KCNQ5: variants seen among roughly 807,000 people sequenced by gnomAD.
KCNQ5 encodes potassium voltage-gated channel subfamily KQT member 5.
In KCNQ5, 30 loss-of-function variants were observed where a neutral mutation model predicts 98.2. The observed-to-expected ratio is 0.31, with a 90% CI of 0.23 to 0.41. The LOEUF (loss-of-function observed/expected upper bound fraction) is 0.41, where lower values mean the gene tolerates loss of function less well. Ranked by LOEUF, KCNQ5 falls within the 10% of genes least tolerant of loss-of-function variation. The pLI is 1.00. For synonymous variants in KCNQ5, 458 were observed against 449.4 expected (o/e 1.02, Z -0.24); for missense variants, 835 against 1,182.5 (o/e 0.71, Z 4.31).
At chr6:73,115,490 T>TA (rs1775452990) in intron 7 of KCNQ5, among the ~76,000 whole-genome samples, 1 of 152,034 alleles carries the variant, frequency 6.6e-6, no homozygotes, top group Non-Finnish European at 1.5e-5. Context: ...ATTATCACAG[T>TA]AAAATATCAG....
intron 1 of KCNQ5, among the ~76,000 whole-genome samples, chr6:72,623,247 C>G (rs534350608): frequency 6.6e-6 from 1 of 152,154 alleles, no homozygotes; most frequent in Non-Finnish European, 1.5e-5. Flanking sequence ...AAGCAACGCT[C>G]CCGCGCTGCA....
At chr6:72,967,386 AT>A (rs779241143) in intron 1 of KCNQ5, among the ~76,000 whole-genome samples, 98 of 152,328 alleles carry the variant, frequency 6.4e-4, no homozygotes, top group African/African-American at 1.3e-3. Context: ...AGACAAAAAA[AT>A]ATCCCTTTAT....
intron 1 of KCNQ5, among the ~76,000 whole-genome samples, chr6:72,827,722 T>G (rs528350187): frequency 1.2e-4 from 18 of 152,188 alleles, no homozygotes; most frequent in African/African-American, 4.3e-4. Flanking sequence ...TGCAGAAGCT[T>G]TTTAGTTTTA....
chr6:72,682,151 A>T (rs1353079413), intron 1 of KCNQ5, among the ~76,000 whole-genome samples: 4 of 152,182 alleles, frequency 2.6e-5, no homozygotes, highest in African/African-American at 9.7e-5. Flanking sequence ...CATTACAGGG[A>T]TTGGACAATT....
chr6:72,988,882 AC>A (rs1465414582), intron 1 of KCNQ5, among the ~76,000 whole-genome samples: 49 of 82,696 alleles, frequency 5.9e-4, no homozygotes, highest in African/African-American at 2.2e-3. Context: ...TTCAATTCCC[AC>A]CTATGAGTGA....
rs1314089678 is a variant in KCNQ5, at chr6:72,986,861, C to CCTTG, written c.399-17046_399-17043dup. 51 of 969,976 alleles carry CCTTG rather than the reference C, an allele frequency of 5.3e-5. No homozygotes were observed. The East Asian group carries it at 6.2e-4, about 12-fold the overall frequency. 60.1% of individuals were successfully genotyped at this position (969,976 alleles called of 1,614,324 possible). A position where few individuals can be genotyped will look rare whatever the true frequency, so the allele number is the denominator to read the frequency against. On this transcript the variant is annotated intron_variant, in intron 1 of 13. Transcript: ENST00000370398. ...CCCCACAGCCCTCTCAGTCCAGAAC[C>CCTTG]CTTGGTTCTGCGAGGCTGGGGATGC...
intron 1 of KCNQ5, among the ~76,000 whole-genome samples, chr6:72,763,883 G>A (rs1356142786): frequency 6.6e-6 from 1 of 151,942 alleles, no homozygotes; most frequent in African/African-American, 2.4e-5. Flanking sequence ...CCATTTTGTT[G>A]TCCTGTATCC....
chr6:73,175,715 A>G (rs1778186862), intron 11 of KCNQ5, among the ~76,000 whole-genome samples: 1 of 152,190 alleles, frequency 6.6e-6, no homozygotes, highest in Admixed American at 6.5e-5. Flanking sequence ...TGCACCAGGC[A>G]CAGAGATAAA....
At chr6:73,115,221 A>G (rs1430223849) in intron 7 of KCNQ5, among the ~76,000 whole-genome samples, 2 of 152,158 alleles carry the variant, frequency 1.3e-5, no homozygotes, top group African/African-American at 4.8e-5. Context: ...AGGTAAGATA[A>G]AGTTGTGAAA....
intron 11 of KCNQ5, among the ~76,000 whole-genome samples, chr6:73,185,519 G>A (rs1381385791): frequency 6.6e-6 from 1 of 152,194 alleles, no homozygotes; most frequent in Non-Finnish European, 1.5e-5. Context: ...TGAAAACACA[G>A]CAGGATTTCA....
intron 1 of KCNQ5, among the ~76,000 whole-genome samples, chr6:72,635,437 T>C (rs1368248160): frequency 1.3e-5 from 2 of 152,196 alleles, no homozygotes; most frequent in Admixed American, 1.3e-4. Flanking sequence ...ATTGCTTTGT[T>C]TAAGTCTCAT....
chr6:72,745,690 T>C (rs1254548798), intron 1 of KCNQ5, among the ~76,000 whole-genome samples: 1 of 152,204 alleles, frequency 6.6e-6, no homozygotes, highest in Non-Finnish European at 1.5e-5. Flanking sequence ...TTGTTTCCTT[T>C]GGATGCCGTA....
At chr6:72,667,040 A>G (rs2154473166) in intron 1 of KCNQ5, among the ~76,000 whole-genome samples, 1 of 152,352 alleles carries the variant, frequency 6.6e-6, no homozygotes, top group Admixed American at 6.5e-5. Flanking sequence ...GCAAATATTC[A>G]TTAGGAAATA....
intron 1 of KCNQ5, among the ~76,000 whole-genome samples, chr6:72,758,495 T>C (rs12214158): frequency 0.12 from 18,667 of 152,048 alleles, 1,297 homozygotes; most frequent in South Asian, 0.17. Context: ...ATGCTAGAAG[T>C]GGGGGATCAG....
intron 1 of KCNQ5, among the ~76,000 whole-genome samples, chr6:72,962,131 T>TC (rs1191146761): frequency 6.7e-5 from 10 of 150,236 alleles, no homozygotes; most frequent in African/African-American, 2.4e-4. Flanking sequence ...CGAGCCAAGA[T>TC]CATGCCACTG....
rs139711523 is a variant in KCNQ5 at position 73,061,285 on chromosome 6, C to T, written c.617-16037C>T. Among the ~76,000 whole-genome samples the T allele has an allele frequency of 7.5e-3, 1,139 of 152,060 alleles. 16 individuals carry two copies. Among genetic ancestry groups the T allele is most frequent in the African/African-American group, 0.027 (1,101 of 41,472 alleles). On this transcript the variant is annotated intron_variant, in intron 3 of 13. Transcript: ENST00000370398. ...AATAAAAATGTTTAACTGAGGATAG[C>T]GAATGAGGACAGCATGAATGGAAAC...
At chr6:72,731,561 A>G (rs960626812) in intron 1 of KCNQ5, among the ~76,000 whole-genome samples, 11 of 152,160 alleles carry the variant, frequency 7.2e-5, no homozygotes, top group African/African-American at 2.2e-4. Flanking sequence ...TCCATCCCCA[A>G]GTTTGCCTCA....
chr6:73,100,404 C>A (rs983422955), intron 5 of KCNQ5, among the ~76,000 whole-genome samples: 2 of 152,088 alleles, frequency 1.3e-5, no homozygotes, highest in Non-Finnish European at 2.9e-5. Flanking sequence ...CTGTGGCTCA[C>A]GCCTGTAATC....
intron 1 of KCNQ5, among the ~76,000 whole-genome samples, chr6:72,767,928 C>G (rs1439038973): frequency 3.3e-5 from 5 of 151,992 alleles, no homozygotes; most frequent in African/African-American, 4.8e-5. Context: ...GTCAAACAGA[C>G]TGGCAGCTTC....
Sources: allele counts gnomAD v4.1 joint callset (sites outside exome capture counted in the v4.1 genomes callset), GRCh38; gene constraint gnomAD v4.1.1; transcripts MANE v1.5; gene names NCBI Gene and HGNC (gene_info 2026-07-23, HGNC 2026-07-21).